CGNL1: variants seen among roughly 807,000 people sequenced by gnomAD.
The protein encoded by CGNL1 is cingulin like 1, also known as cingulin-like protein 1.
CGNL1 carries 132 observed loss-of-function variants against 141.2 expected under a neutral mutation model. The ratio of observed to expected loss-of-function variants is 0.93; its 90% CI spans 0.81 to 1.08. CGNL1 has a LOEUF of 1.08. Among genes scored for constraint, CGNL1 ranks in the 50% least tolerant of loss-of-function variants. The probability of loss-of-function intolerance (pLI) is 0.00; values close to 1 mark genes in which losing one functional copy is unlikely to be tolerated. For synonymous variants in CGNL1, 690 were observed against 622.1 expected (o/e 1.11, Z -1.63); for missense variants, 1,870 against 1,588.6 (o/e 1.18, Z -3.01).
intron 1 of CGNL1, among the ~76,000 whole-genome samples, chr15:57,392,375 G>A (rs2062553261): frequency 6.6e-6 from 1 of 152,064 alleles, no homozygotes; most frequent in Admixed American, 6.6e-5. Context: ...AGTGAAATAA[G>A]GTCATTTTAA....
At chr15:57,504,240 G>T (rs1470056622) in intron 8 of CGNL1, among the ~76,000 whole-genome samples, 1 of 152,222 alleles carries the variant, frequency 6.6e-6, no homozygotes, top group African/African-American at 2.4e-5. Flanking sequence ...CCACCACCCT[G>T]TATGTCAGGT....
chr15:57,546,452 C>G (rs1191330727), intron 18 of CGNL1, among the ~76,000 whole-genome samples: 1 of 152,082 alleles, frequency 6.6e-6, no homozygotes, highest in Non-Finnish European at 1.5e-5. Context: ...ATACCAATGC[C>G]CCAATGCCAG....
At chr15:57,403,623 C>T (rs757809438) in intron 1 of CGNL1, among the ~76,000 whole-genome samples, 2 of 152,166 alleles carry the variant, frequency 1.3e-5, no homozygotes, top group Non-Finnish European at 2.9e-5. Flanking sequence ...TGGCAGACCT[C>T]AGTGGCTGAA....
At position 57,461,766 on chromosome 15, in the gene CGNL1, A is replaced by G. The variant is rs199754058; in HGVS notation, c.2277A>G (p.Glu759=). ...ACCTCTTGAGAAAGCGAGAGCGTGAACTCACCGCCCTGAAGGGAGCCCTGA... is the reference window on the plus strand; with the variant it reads ...ACCTCTTGAGAAAGCGAGAGCGTGAGCTCACCGCCCTGAAGGGAGCCCTGA... ...QEDLLRKRER[E]LTALKGALKE... is the part of the protein sequence containing the mutation. Residue 759 remains glutamate (E), a synonymous_variant, in exon 8 of 19, where the codon GAA becomes GAG. Coordinates refer to ENST00000281282, the MANE Select transcript of CGNL1 (RefSeq NM_032866.5). The G allele has an allele frequency of 1.3e-5, 21 of 1,613,988 alleles. No homozygotes were observed. The highest frequency in any genetic ancestry group is 1.7e-5 in the Admixed American group (1 of 60,010).
chr15:57,392,865 C>A (rs556896965), intron 1 of CGNL1, among the ~76,000 whole-genome samples: 11 of 151,898 alleles, frequency 7.2e-5, no homozygotes, highest in Non-Finnish European at 1.5e-4. Context: ...TTCTTTGATA[C>A]CCTGGACTAA....
intron 14 of CGNL1, among the ~76,000 whole-genome samples, chr15:57,532,149 G>A (rs571384303): frequency 3.9e-5 from 6 of 152,132 alleles, no homozygotes; most frequent in Non-Finnish European, 7.4e-5. Context: ...GGCTCTAGGC[G>A]TACAACTGGG....
Position 57,438,127 on chromosome 15 carries a change from G to C in CGNL1, c.128G>C (p.Ser43Thr). ...TCCAAGGCAGGCTCCTACGGTGTCA[G>C]TATTCGGGTCCAGGGAATTGATGGT... ...QNSKAGSYGV[S>T]IRVQGIDGHP... is the part of the protein sequence containing the mutation. Residue 43 changes from serine to threonine, a missense_variant, in exon 2 of 19, where the codon AGT becomes ACT. Ser to Thr is a moderately conservative substitution (Grantham distance 58). Transcript: ENST00000281282. 6.2e-7 allele frequency: 1 copy of C among 1,614,194 alleles called. No individual in the cohort carries two copies. Among genetic ancestry groups the C allele is most frequent in the Non-Finnish European group, 8.5e-7 (1 of 1,180,034 alleles).
chr15:57,504,807 G>C (rs1357567917), intron 8 of CGNL1, among the ~76,000 whole-genome samples: 1 of 152,198 alleles, frequency 6.6e-6, no homozygotes, highest in Non-Finnish European at 1.5e-5. Flanking sequence ...CAAGGGGGCA[G>C]GGAAGCACAT....
At chr15:57,396,926 G>T (rs2062609356) in intron 1 of CGNL1, 1 of 152,152 alleles carries the variant, frequency 6.6e-6, no homozygotes, top group African/African-American at 2.4e-5. Flanking sequence ...CCCTCTAGGA[G>T]TTTATAGTCC....
chr15:57,513,248 A>ATATGGGTGTG (rs2030476145), intron 8 of CGNL1, among the ~76,000 whole-genome samples: 1 of 124,446 alleles, frequency 8.0e-6, no homozygotes, highest in Non-Finnish European at 1.8e-5. Context: ...ATAAATGTCA[A>ATATGGGTGTG]TATGGGTGTG....
At chr15:57,419,587 T>C (rs1053094885) in intron 1 of CGNL1, among the ~76,000 whole-genome samples, 18 of 152,172 alleles carry the variant, frequency 1.2e-4, no homozygotes, top group African/African-American at 4.3e-4. Context: ...TTGGAATTTG[T>C]CTGATATTTT....
At chr15:57,383,533 C>G (rs949907867) in intron 1 of CGNL1, among the ~76,000 whole-genome samples, 1 of 151,816 alleles carries the variant, frequency 6.6e-6, no homozygotes, top group Non-Finnish European at 1.5e-5. Flanking sequence ...CTCCTGACCT[C>G]GTGATCCGCC....
chr15:57,489,783 A>G (rs1227822764), intron 8 of CGNL1, among the ~76,000 whole-genome samples: 1 of 152,226 alleles, frequency 6.6e-6, no homozygotes, highest in Non-Finnish European at 1.5e-5. Flanking sequence ...AAGCTTGGAT[A>G]TTAAAGCATC....
At chr15:57,513,056 T>C (rs1039194093) in intron 8 of CGNL1, among the ~76,000 whole-genome samples, 7 of 152,104 alleles carry the variant, frequency 4.6e-5, no homozygotes, top group Non-Finnish European at 1.0e-4. Flanking sequence ...TTCACACAGT[T>C]GTACAACCAT....
At chr15:57,462,506 G>A (rs934017245) in intron 8 of CGNL1, among the ~76,000 whole-genome samples, 2 of 152,168 alleles carry the variant, frequency 1.3e-5, no homozygotes, top group Admixed American at 1.3e-4. Flanking sequence ...TGTTGAAGAA[G>A]AGAAAAACAG....
chr15:57,528,522 G>T (rs2031755771), intron 12 of CGNL1, 132 bp from the exon 13 acceptor site: 1 of 866,102 alleles, frequency 1.2e-6, no homozygotes, highest in Admixed American at 2.4e-5. Flanking sequence ...CTTGCTCAAG[G>T]TCTTCTGATC....
Position 57,442,436 on chromosome 15 carries a change from C to T in CGNL1, c.1761C>T (p.Thr587=). The T allele has an allele frequency of 1.9e-6, 3 of 1,613,592 alleles. No individual in the cohort carries two copies. The highest frequency in any genetic ancestry group is 2.5e-6 in the Non-Finnish European group (3 of 1,179,668). ...ACTTGGTCTTTGAGAAAATCCAGAC[C>T]TTAAAGTCTCGAGCAGCTGGGAGCG... ...KVNLVFEKIQ[T]LKSRAAGSAQ... Residue 587 remains threonine (T), a synonymous_variant, in exon 4 of 19, where the codon ACC becomes ACT. Transcript: ENST00000281282.
At chr15:57,534,666 C>A (rs1390981402) in intron 14 of CGNL1, among the ~76,000 whole-genome samples, 1 of 152,182 alleles carries the variant, frequency 6.6e-6, no homozygotes, top group Non-Finnish European at 1.5e-5. Flanking sequence ...AACTTCAAAA[C>A]GTAAGGCCGC....
chr15:57,534,334 G>C (rs1344487642), intron 14 of CGNL1, among the ~76,000 whole-genome samples: 1 of 152,206 alleles, frequency 6.6e-6, no homozygotes, highest in Non-Finnish European at 1.5e-5. Flanking sequence ...GTAGGAATTG[G>C]TAAGCCAATG....
Sources: gnomAD v4.1 joint callset for allele counts (sites outside exome capture counted in the v4.1 genomes callset) on GRCh38, gnomAD v4.1.1 for gene constraint, MANE v1.5 for transcripts, NCBI Gene and HGNC (gene_info 2026-07-23, HGNC 2026-07-21) for gene names.